USP48: variants seen among roughly 807,000 people sequenced by gnomAD.
USP48 encodes the protein ubiquitin carboxyl-terminal hydrolase 48.
A neutral mutation model predicts 150.7 loss-of-function variants in USP48; 43 were observed. The observed-to-expected ratio is 0.29, with a 90% CI of 0.22 to 0.37. The LOEUF (loss-of-function observed/expected upper bound fraction) is 0.37, where lower values mean the gene tolerates loss of function less well. USP48 is among the 10% of genes least tolerant of loss of function. The probability of loss-of-function intolerance (pLI) is 1.00; values close to 1 mark genes in which losing one functional copy is unlikely to be tolerated. For missense variants in USP48, 813 were observed against 1,249.6 expected (o/e 0.65, Z 5.27); for synonymous variants, 396 against 425.9 (o/e 0.93, Z 0.86).
intron 9 of USP48, chr1:21,732,646 C>A: frequency 5.9e-6 from 2 of 336,954 alleles, no homozygotes; most frequent in South Asian, 2.4e-5. Flanking sequence ...TAGAGCTTTA[C>A]AGTCACAAAA....
intron 24 of USP48, among the ~76,000 whole-genome samples, chr1:21,689,698 A>AC (rs1392876136): frequency 6.6e-6 from 1 of 152,160 alleles, no homozygotes; most frequent in Non-Finnish European, 1.5e-5. Flanking sequence ...GAAAGCCTTC[A>AC]CTTTCACCTT....
chr1:21,724,131 T>C (rs760944460), intron 11 of USP48, 36 bp from the exon 12 acceptor site: 1 of 1,597,506 alleles, frequency 6.3e-7, no homozygotes, highest in Middle Eastern at 1.7e-4. Flanking sequence ...CCTATGTATT[T>C]TTACAGTTTT....
chr1:21,711,387 T>C (rs1351527085), intron 15 of USP48, among the ~76,000 whole-genome samples: 1 of 152,048 alleles, frequency 6.6e-6, no homozygotes, highest in Non-Finnish European at 1.5e-5. Flanking sequence ...GCCCTTGAGA[T>C]CACTGCCCCC....
At chr1:21,709,324 T>C (rs558280371) in intron 15 of USP48, among the ~76,000 whole-genome samples, 225 of 152,254 alleles carry the variant, frequency 1.5e-3, no homozygotes, top group Middle Eastern at 3.4e-3. Context: ...AAACATGTAT[T>C]TCCTTCTGGG....
intron 8 of USP48, among the ~76,000 whole-genome samples, chr1:21,744,042 T>C (rs774300109): frequency 3.5e-4 from 54 of 152,266 alleles, no homozygotes; most frequent in Middle Eastern, 3.4e-3. Context: ...AATCCACAGG[T>C]ATCAGCAGTA....
chr1:21,781,210 G>A (rs2097913652), intron 1 of USP48, among the ~76,000 whole-genome samples: 2 of 148,192 alleles, frequency 1.3e-5, no homozygotes. Context: ...TCTGAGGTCA[G>A]GAGTTCGAGA....
At chr1:21,765,068 G>T (rs2097858529) in intron 1 of USP48, among the ~76,000 whole-genome samples, 1 of 152,184 alleles carries the variant, frequency 6.6e-6, no homozygotes, top group Non-Finnish European at 1.5e-5. Flanking sequence ...AATGTTAAAT[G>T]ACAACAATGT....
At chr1:21,714,766 T>A (rs2097699821) in intron 15 of USP48, among the ~76,000 whole-genome samples, 1 of 152,140 alleles carries the variant, frequency 6.6e-6, no homozygotes, top group Non-Finnish European at 1.5e-5. Context: ...AACCAATACA[T>A]AGGATTAAAT....
chr1:21,777,535 G>A lies in USP48; in HGVS notation c.134+5289C>T, dbSNP rs1442456969. 4.6e-5 allele frequency among the ~76,000 whole-genome samples: 7 copies of A among 152,110 alleles called. No homozygotes were observed. The South Asian group carries it at 1.3e-3, about 27-fold the overall frequency. On this transcript the variant is annotated intron_variant, in intron 1 of 26. Transcript: ENST00000308271. ...CCAAAAAAATTAGCTGGGTGTGGTG[G>A]TACAACTTGCAGTTGTACCTACTGG...
intron 1 of USP48, among the ~76,000 whole-genome samples, chr1:21,773,516 T>G (rs1490722666): frequency 1.3e-5 from 2 of 151,834 alleles, no homozygotes; most frequent in Non-Finnish European, 2.9e-5. Context: ...AAAATAAAAT[T>G]AAAAAGATGC....
intron 22 of USP48, among the ~76,000 whole-genome samples, chr1:21,695,824 A>G (rs17457537): frequency 0.064 from 9,742 of 152,290 alleles, 429 homozygotes; most frequent in Non-Finnish European, 0.082. Context: ...CTTGAGAATG[A>G]CATGGAAACT....
Position 21,721,039 on chromosome 1 carries a change from T to C in USP48, c.1891A>G (p.Lys631Glu). 6.2e-7 allele frequency: 1 copy of C among 1,614,222 alleles called. No homozygotes were observed. Among genetic ancestry groups the C allele is most frequent in the Non-Finnish European group, 8.5e-7 (1 of 1,180,024 alleles). Residue 631 changes from lysine to glutamate, a missense_variant, in exon 14 of 27, where the codon AAA becomes GAA. Lys to Glu is a moderately conservative substitution (Grantham distance 56, BLOSUM62 1). Coordinates refer to ENST00000308271, the MANE Select transcript of USP48 (RefSeq NM_032236.8). ...ACACATAGGTTTAAAGTGTTACCTT[T>C]ATTTAAGGTGCTACCGTTCATCTTT... Reference protein sequence around the residue: ...NGKMNGSTLNKDESKEERKEE... With the variant: ...NGKMNGSTLNEDESKEERKEE...
In USP48 at chr1:21,724,423, T is replaced by G. The variant is rs138586022; in HGVS notation, c.1451-328A>C. The G allele has an allele frequency of 1.8e-3, 880 of 490,568 alleles. 7 individuals carry two copies. The highest frequency in any genetic ancestry group is 0.015 in the African/African-American group (782 of 52,456). 30.4% of individuals were successfully genotyped at this position (490,568 alleles called of 1,614,324 possible). On this transcript the variant is annotated intron_variant, in intron 11 of 26. Transcript: ENST00000308271. ...AGAGCTTTGATCAGGACACCCATGT[T>G]TGTTGACTACAAGTCATGCTCCATT...
At chr1:21,767,978 C>T (rs1298952267) in intron 1 of USP48, among the ~76,000 whole-genome samples, 2 of 152,068 alleles carry the variant, frequency 1.3e-5, no homozygotes, top group African/African-American at 2.4e-5. Flanking sequence ...GAGGCCGAGG[C>T]GGGTGGATCA....
At chr1:21,742,082 T>C (rs2097783186) in intron 8 of USP48, among the ~76,000 whole-genome samples, 1 of 152,160 alleles carries the variant, frequency 6.6e-6, no homozygotes, top group Non-Finnish European at 1.5e-5. Context: ...TAATTATTAG[T>C]ATTAGCTGGC....
intron 22 of USP48, 47 bp from the exon 23 acceptor site, chr1:21,695,268 T>C: frequency 5.2e-6 from 8 of 1,528,340 alleles, no homozygotes; most frequent in Non-Finnish European, 5.3e-6. Context: ...TTAACCACAA[T>C]GTGACCCTTG....
chr1:21,694,713 T>C (rs1037909924), intron 23 of USP48, among the ~76,000 whole-genome samples: 1 of 150,266 alleles, frequency 6.7e-6, no homozygotes, highest in African/African-American at 2.4e-5. Flanking sequence ...TTATCTCCCA[T>C]TAAATTTCAC....
chr1:21,711,919 C>T (rs2097691244), intron 15 of USP48, among the ~76,000 whole-genome samples: 1 of 152,216 alleles, frequency 6.6e-6, no homozygotes, highest in Non-Finnish European at 1.5e-5. Flanking sequence ...AAAAATATTT[C>T]CAACAGACAA....
chr1:21,775,123 C>T (rs2097894353), intron 1 of USP48, among the ~76,000 whole-genome samples: 1 of 152,056 alleles, frequency 6.6e-6, no homozygotes, highest in African/African-American at 2.4e-5. Flanking sequence ...GAGACAGGGT[C>T]TTGCTCTATC....
Sources: allele counts gnomAD v4.1 joint callset (sites outside exome capture counted in the v4.1 genomes callset), GRCh38; gene constraint gnomAD v4.1.1; transcripts MANE v1.5; gene names NCBI Gene and HGNC (gene_info 2026-07-23, HGNC 2026-07-21).